Variants in KCNC4 observed in about 807,000 individuals in gnomAD.
KCNC4 encodes potassium voltage-gated channel subfamily C member 4, also known as voltage-gated potassium channel KCNC4.
KCNC4 carries 23 observed loss-of-function variants against 42.8 expected under a neutral mutation model. That is an observed-to-expected ratio of 0.54 (90% confidence interval 0.39 to 0.76). The LOEUF is 0.76. Ranked by LOEUF, KCNC4 falls within the 30% of genes least tolerant of loss-of-function variation. The probability of loss-of-function intolerance (pLI) is 0.00; values close to 1 mark genes in which losing one functional copy is unlikely to be tolerated. For synonymous variants in KCNC4, 422 were observed against 393.5 expected, an observed-to-expected ratio of 1.07 and a Z score of -0.86; for missense variants, 751 against 898.2, an observed-to-expected ratio of 0.84 and a Z score of 2.10.
At chr1:110,228,303 C>T (rs543652253) in intron 3 of KCNC4, among the ~76,000 whole-genome samples, 1 of 152,080 alleles carries the variant, frequency 6.6e-6, no homozygotes, top group African/African-American at 2.4e-5. Flanking sequence ...TCTAGCTGGG[C>T]TATCAAGGAG....
At chr1:110,265,618 A>C (rs56225383) in intron 1 of KCNC4, among the ~76,000 whole-genome samples, 90,013 of 151,898 alleles carry the variant, frequency 0.59, 27,160 homozygotes, top group African/African-American at 0.7. Flanking sequence ...AAAGTTAACC[A>C]TCTCTGGTTT....
At chr1:110,244,597 C>A (rs183426629) in exon 4 of KCNC4, 1 of 152,394 alleles carries the variant, frequency 6.6e-6, no homozygotes, top group Non-Finnish European at 1.5e-5. Flanking sequence ...TCCCCACAAC[C>A]CCCAACACAC....
At chr1:110,265,382 TA>T (rs1659521600) in intron 1 of KCNC4, among the ~76,000 whole-genome samples, 26 of 130,466 alleles carry the variant, frequency 2.0e-4, no homozygotes, top group Admixed American at 8.7e-4. Flanking sequence ...TAAAATAAAA[TA>T]AAATAAAATA....
rs768769274 is a variant in KCNC4 at position 110,223,128 on chromosome 1, G to C, written c.843G>C (p.Leu281=). 6.2e-7 allele frequency: 1 copy of C among 1,614,202 alleles called. No homozygotes were observed. The highest frequency in any genetic ancestry group is 8.5e-7 in the Non-Finnish European group (1 of 1,180,032). The change falls in exon 2 of 4, where the codon CTG becomes CTC. Residue 281 remains leucine, a synonymous_variant. Transcript: ENST00000438661. The surrounding 1 kb of genome is among the most constrained non-coding windows in gnomAD (Gnocchi z 7.5). ...GGGAGGTAGAGACAGAGCCCATCCTGACCTACATCGAGGGCGTATGTGTGC... is the reference window on the plus strand; with the variant it reads ...GGGAGGTAGAGACAGAGCCCATCCTCACCTACATCGAGGGCGTATGTGTGC... ...FRREVETEPI[L]TYIEGVCVLW...
chr1:110,216,563 T>C (rs1263064289), intron 1 of KCNC4, among the ~76,000 whole-genome samples: 1 of 151,964 alleles, frequency 6.6e-6, no homozygotes. Flanking sequence ...GGGTGGGGTG[T>C]GGAGTAGGGA....
chr1:110,225,794 G>A, intron 2 of KCNC4, 181 bp from the exon 3 acceptor site: 1 of 601,290 alleles, frequency 1.7e-6, no homozygotes, highest in Middle Eastern at 4.5e-4. Context: ...TTCACACCAA[G>A]TGTAGCATCC....
intron 3 of KCNC4, chr1:110,228,802 G>T (rs370199313): frequency 6.5e-6 from 1 of 152,710 alleles, no homozygotes; most frequent in Non-Finnish European, 1.5e-5. Context: ...GAGCAGGGGG[G>T]AGCAGTCAGG....
chr1:110,225,974 G>C lies in KCNC4; in HGVS notation c.1616-1G>C. The C allele has an allele frequency of 2.5e-6, 4 of 1,582,992 alleles. No individual in the cohort carries two copies. The highest frequency in any genetic ancestry group is 3.4e-6 in the Non-Finnish European group (4 of 1,160,596). ...GCCTCCTTTCTGTGTGCCCCCTTCA[G>C]ACTCTAAGCAGAATGGCGATGCCAA... On this transcript the variant is annotated splice_acceptor_variant, in intron 2 of 3. Transcript: ENST00000438661. LOFTEE classifies it high-confidence loss of function.
Position 110,260,564 on chromosome 1 carries a change from T to C in KCNC4, n.31-21970T>C, listed in dbSNP as rs1659406495. Among the ~76,000 whole-genome samples the C allele has an allele frequency of 1.3e-5, 2 of 152,204 alleles. 1 individual carries two copies. The highest frequency in any genetic ancestry group is 4.8e-5 in the African/African-American group (2 of 41,454). Reference sequence around the variant, plus strand: ...AAAAACAAAAAGAATATTTCTGGGGTGACCCTTTTCTTTCTTTATAAGTTC... The same window carrying C: ...AAAAACAAAAAGAATATTTCTGGGGCGACCCTTTTCTTTCTTTATAAGTTC... On this transcript the variant is annotated intron_variant and non_coding_transcript_variant, in intron 1 of 2. Coordinates refer to the KCNC4 transcript ENST00000412512.
rs760587471 is a variant in KCNC4 at position 110,213,170 on chromosome 1, TAAAAAAAAAAAAA to T, written c.678+1008_678+1020del. Among the ~76,000 whole-genome samples, 5 of 50,850 alleles carry T rather than the reference TAAAAAAAAAAAAA, an allele frequency of 9.8e-5. No individual in the cohort carries two copies. In the East Asian group the frequency reaches 1.9e-3, roughly 20 times the overall value. The allele number at this position is 50,850 out of a possible 152,430, so 33.4% of individuals were successfully genotyped here. ...GCTTCCCCCATTATGCTTCGACAGC[TAAAAAAAAAAAAA>T]AAAAAAAAAAAAAATCCCTGAAGGA... On this transcript the variant is annotated intron_variant, in intron 1 of 3. Coordinates refer to ENST00000438661, the MANE Select transcript of KCNC4 (RefSeq NM_001039574.3).
At chr1:110,222,456 C>T (rs1234781515) in intron 1 of KCNC4, 1 of 155,880 alleles carries the variant, frequency 6.4e-6, no homozygotes, top group Non-Finnish European at 1.4e-5. Flanking sequence ...AACCAAAGGA[C>T]CAGAGACCTA....
downstream of KCNC4, chr1:110,237,085 A>C (rs551693316): frequency 3.3e-5 from 5 of 152,084 alleles, no homozygotes; most frequent in East Asian, 9.7e-4. Context: ...AGGAGAGTGG[A>C]TTGCTTGAGG....
At chr1:110,282,598 T>G (rs1659846192) in exon 2 of KCNC4, 1 of 152,330 alleles carries the variant, frequency 6.6e-6, no homozygotes, top group Non-Finnish European at 1.5e-5. Flanking sequence ...CACTCTGCTC[T>G]GCAGGCATGT....
At chr1:110,280,477 G>A (rs1052784267) in intron 1 of KCNC4, among the ~76,000 whole-genome samples, 4 of 151,478 alleles carry the variant, frequency 2.6e-5, no homozygotes, top group African/African-American at 9.7e-5. Context: ...CGTGAAATTG[G>A]CCTGGATAGG....
chr1:110,231,616 T>C (rs615819), intron 3 of KCNC4, among the ~76,000 whole-genome samples: 125,002 of 152,084 alleles, frequency 0.82, 51,872 homozygotes, highest in African/African-American at 0.92. Flanking sequence ...CAGAGGCACT[T>C]CCCTGTCCCC....
At chr1:110,280,722 T>C (rs2101095067) in intron 1 of KCNC4, among the ~76,000 whole-genome samples, 1 of 152,250 alleles carries the variant, frequency 6.6e-6, no homozygotes, top group Non-Finnish European at 1.5e-5. Context: ...ATGGCATATT[T>C]GGGACAAATA....
chr1:110,273,666 G>A lies in KCNC4; in HGVS notation n.31-8868G>A, dbSNP rs138386963. The stretch of plus-strand genomic sequence containing the variant: ...TCACAGTGGGAGGCTAAGGAGCATT[G>A]AGGAATGTGGGTGAAACCACTCAAA... On this transcript the variant is annotated intron_variant and non_coding_transcript_variant, in intron 1 of 2. Transcript: ENST00000412512. Among the ~76,000 whole-genome samples, 21 of 152,364 alleles carry A rather than the reference G, an allele frequency of 1.4e-4. 1 individual carries two copies. The highest frequency in any genetic ancestry group is 2.0e-4 in the Admixed American group (3 of 15,308).
At chr1:110,264,364 G>T (rs1422483632) in intron 1 of KCNC4, among the ~76,000 whole-genome samples, 1 of 152,056 alleles carries the variant, frequency 6.6e-6, no homozygotes, top group Non-Finnish European at 1.5e-5. Context: ...AGGAGGCTTT[G>T]TCTAAAAATT....
At chr1:110,277,576 A>G (rs1023856510) in intron 1 of KCNC4, among the ~76,000 whole-genome samples, 2 of 152,198 alleles carry the variant, frequency 1.3e-5, no homozygotes, top group Non-Finnish European at 2.9e-5. Flanking sequence ...TGGCACTGCC[A>G]TGGGAGCTGA....
Sources: allele counts gnomAD v4.1 joint callset (sites outside exome capture counted in the v4.1 genomes callset), GRCh38; gene constraint gnomAD v4.1.1; non-coding constraint Gnocchi (gnomAD v3.1); transcripts MANE v1.5; gene names NCBI Gene and HGNC (gene_info 2026-07-23, HGNC 2026-07-21).